POU5F2: variants seen among roughly 807,000 people sequenced by gnomAD.
POU5F2 encodes the protein POU domain, class 5, transcription factor 2.
For missense variants in POU5F2, 401 were observed against 426.6 expected, an observed-to-expected ratio of 0.94 and a Z score of 0.53; for synonymous variants, 191 against 178.7, an observed-to-expected ratio of 1.07 and a Z score of -0.55.
chr5:93,737,556 T>C lies in POU5F2; in HGVS notation c.*3021A>G, dbSNP rs143528104. Reference sequence around the variant, plus strand: ...TATATATATATATGGAAGAACAAAATTGGAAGACTCACACTTCCCCATTTC... The same window carrying C: ...TATATATATATATGGAAGAACAAAACTGGAAGACTCACACTTCCCCATTTC... On this transcript the variant is annotated 3_prime_UTR_variant, in exon 1 of 1. Transcript: ENST00000606183. 51 of 156,778 alleles carry C rather than the reference T, an allele frequency of 3.3e-4. 1 individual carries two copies. The highest frequency in any genetic ancestry group is 1.2e-3 in the African/African-American group (51 of 41,514). 9.7% of individuals were successfully genotyped at this position (156,778 alleles called of 1,614,324 possible).
Position 93,736,471 on chromosome 5 carries a change from T to TA in POU5F2, c.*4105dup, listed in dbSNP as rs1183931020. 1 of 152,220 alleles carries TA rather than the reference T, an allele frequency of 6.6e-6. No homozygotes were observed. The highest frequency in any genetic ancestry group is 1.5e-5 in the Non-Finnish European group (1 of 68,038). The allele number at this position is 152,220 out of a possible 1,614,324, so 9.4% of individuals were successfully genotyped here. On this transcript the variant is annotated 3_prime_UTR_variant, in exon 1 of 1. Coordinates refer to ENST00000606183, the MANE Select transcript of POU5F2 (RefSeq NM_153216.2). ...ATCTGGGCTACTTCATGTTGTGGAC[T>TA]ATGGAAGATCTGGTTTAAAACTTAT...
rs1747710696 is a variant in POU5F2, at chr5:93,738,525, T to C, written c.*2052A>G. The C allele has an allele frequency of 6.6e-6, 1 of 152,230 alleles. No individual in the cohort carries two copies. The highest frequency in any genetic ancestry group is 2.4e-5 in the African/African-American group (1 of 41,450). The allele number at this position is 152,230 out of a possible 1,614,324, so 9.4% of individuals were successfully genotyped here. ...ATGTTCATAGCAGTATCATTCACAATAGCCCATTGGCTATTAATGAAAACA... is the reference window on the plus strand; with the variant it reads ...ATGTTCATAGCAGTATCATTCACAACAGCCCATTGGCTATTAATGAAAACA... On this transcript the variant is annotated 3_prime_UTR_variant, in exon 1 of 1. Coordinates refer to ENST00000606183, the MANE Select transcript of POU5F2 (RefSeq NM_153216.2).
chr5:93,738,073 G>C lies in POU5F2; in HGVS notation c.*2504C>G, dbSNP rs1484925957. ...GAAAATACTTGCAAACCATCTATCT[G>C]ATAAGGGCTTAATATCCAGACTCTA... is the stretch of plus-strand genomic sequence containing the variant. On this transcript the variant is annotated 3_prime_UTR_variant, in exon 1 of 1. Transcript: ENST00000606183. 13 of 306,288 alleles carry C rather than the reference G, an allele frequency of 4.2e-5. No homozygotes were observed. Among genetic ancestry groups the C allele is most frequent in the Non-Finnish European group, 7.6e-5 (12 of 157,334 alleles). 19.0% of individuals were successfully genotyped at this position (306,288 alleles called of 1,614,324 possible).
In POU5F2 at chr5:93,741,482, G is replaced by C; in HGVS notation, c.82C>G (p.Arg28Gly). 6.2e-7 allele frequency: 1 copy of C among 1,613,238 alleles called. No individual in the cohort carries two copies. Residue 28 changes from arginine (R) to glycine (G), a missense_variant, in exon 1 of 1, where the codon CGG (arginine) becomes GGG (glycine). Coordinates refer to ENST00000606183, the MANE Select transcript of POU5F2 (RefSeq NM_153216.2). Reference protein sequence around the residue: ...GGGPRGPMPLRVDTLTWLSTQ... With the variant: ...GGGPRGPMPLGVDTLTWLSTQ... ...CTCAACCAGGTCAGAGTGTCAACCC[G>C]CAGGGGCATCGGCCCTCTGGGGCCG...
rs1748302512 is a variant in POU5F2 at position 93,740,985 on chromosome 5, T to C, written c.579A>G (p.Ala193=). 6.2e-7 allele frequency: 1 copy of C among 1,613,818 alleles called. No individual in the cohort carries two copies. Among genetic ancestry groups the C allele is most frequent in the Admixed American group, 1.7e-5 (1 of 60,008 alleles). ...TTTTGCATAAGCCCAGAAGGTTCTC[T>C]GCTTCCACTTCCTTCAGCCACTTTT... The part of the protein sequence containing the change: ...LLKKWLKEVE[A]ENLLGLCKME... The change falls in exon 1 of 1, where the codon GCA becomes GCG. Residue 193 remains alanine (A), a synonymous_variant. Transcript: ENST00000606183.
In POU5F2 at chr5:93,735,332, A is replaced by C. The variant is rs1746990053; in HGVS notation, c.*5245T>G. On this transcript the variant is annotated 3_prime_UTR_variant, in exon 1 of 1. Coordinates refer to ENST00000606183, the MANE Select transcript of POU5F2 (RefSeq NM_153216.2). Reference sequence around the variant, plus strand: ...AAATCTTTTAAATTATGTGAAGCTGATTAGTGACACATAGAGGCTTTGCCT... The same window carrying C: ...AAATCTTTTAAATTATGTGAAGCTGCTTAGTGACACATAGAGGCTTTGCCT... The C allele has an allele frequency of 6.6e-6, 1 of 152,190 alleles. No individual in the cohort carries two copies. Among genetic ancestry groups the C allele is most frequent in the Non-Finnish European group, 1.5e-5 (1 of 68,052 alleles). 9.4% of individuals were successfully genotyped at this position (152,190 alleles called of 1,614,324 possible).
In POU5F2 at chr5:93,738,507, T is replaced by C. The variant is rs1436203724; in HGVS notation, c.*2070A>G. On this transcript the variant is annotated 3_prime_UTR_variant, in exon 1 of 1. Coordinates refer to ENST00000606183, the MANE Select transcript of POU5F2 (RefSeq NM_153216.2). ...ATAGATTATTATATGTAAATGTTCA[T>C]AGCAGTATCATTCACAATAGCCCAT... The C allele has an allele frequency of 3.3e-5, 5 of 152,258 alleles. No individual in the cohort carries two copies. Among genetic ancestry groups the C allele is most frequent in the Non-Finnish European group, 7.3e-5 (5 of 68,068 alleles). 9.4% of individuals were successfully genotyped at this position (152,258 alleles called of 1,614,324 possible).
In POU5F2 at chr5:93,738,387, TAGTTTCCCAAAA is replaced by T. The variant is rs2149594756; in HGVS notation, c.*2178_*2189del. ...GCCTTCACTATGGAAAACAGTTTGG[TAGTTTCCCAAAA>T]AGTTAAGCATAGAATTACTGTATGA... is the stretch of plus-strand genomic sequence containing the variant. On this transcript the variant is annotated 3_prime_UTR_variant, in exon 1 of 1. Transcript: ENST00000606183. 1 of 152,586 alleles carries T rather than the reference TAGTTTCCCAAAA, an allele frequency of 6.6e-6. No individual in the cohort carries two copies. Among genetic ancestry groups the T allele is most frequent in the East Asian group, 1.9e-4 (1 of 5,198 alleles). The allele number at this position is 152,586 out of a possible 1,614,324, so 9.5% of individuals were successfully genotyped here. A position where few individuals can be genotyped will look rare whatever the true frequency, so the allele number is the denominator to read the frequency against.
In POU5F2 at chr5:93,741,165, C is replaced by A; in HGVS notation, c.399G>T (p.Leu133Phe). ...ACCCTAGGCTCAACCTCTTCTGCCT[C>A]AACTCCTTGGCCAATTGCTGCAACT... is the stretch of plus-strand genomic sequence containing the variant. ...LKELQQLAKE[L>F]RQKRLSLGYS... Residue 133 changes from leucine (L) to phenylalanine (F), a missense_variant, in exon 1 of 1, where the codon TTG becomes TTT. Coordinates refer to ENST00000606183, the MANE Select transcript of POU5F2 (RefSeq NM_153216.2). The A allele has an allele frequency of 6.2e-7, 1 of 1,613,912 alleles. No individual in the cohort carries two copies. Among genetic ancestry groups the A allele is most frequent in the Admixed American group, 1.7e-5 (1 of 60,026 alleles).
In POU5F2 at chr5:93,739,260, A is replaced by C. The variant is rs1253747022; in HGVS notation, c.*1317T>G. On this transcript the variant is annotated 3_prime_UTR_variant, in exon 1 of 1. Transcript: ENST00000606183. ...CACCAGAAAAAAAAAGAAAGAAAGA[A>C]AGAAACTAAGTACTCATCTAAAAAT... 1 of 152,184 alleles carries C rather than the reference A, an allele frequency of 6.6e-6. No homozygotes were observed. 9.4% of individuals were successfully genotyped at this position (152,184 alleles called of 1,614,324 possible). A position where few individuals can be genotyped will look rare whatever the true frequency, so the allele number is the denominator to read the frequency against.
In POU5F2 at chr5:93,733,505, AATT is replaced by A. The variant is rs1309777475; in HGVS notation, c.*7069_*7071del. ...TGAGCCACTGCACCTGGCTACACAC[AATT>A]ATTTTCTTATAAAAATTCTTAAAAG... is the stretch of plus-strand genomic sequence containing the variant. On this transcript the variant is annotated 3_prime_UTR_variant, in exon 1 of 1. Coordinates refer to ENST00000606183, the MANE Select transcript of POU5F2 (RefSeq NM_153216.2). The A allele has an allele frequency of 5.3e-5, 8 of 152,180 alleles. No homozygotes were observed. The East Asian group carries it at 1.4e-3, about 26-fold the overall frequency. 9.4% of individuals were successfully genotyped at this position (152,180 alleles called of 1,614,324 possible). A position where few individuals can be genotyped will look rare whatever the true frequency, so the allele number is the denominator to read the frequency against.
Position 93,734,136 on chromosome 5 carries a change from C to A in POU5F2, c.*6441G>T, listed in dbSNP as rs1746709170. ...GATTTCTTAGAGAATAAGAAAACTTCTAGGAAAAAGAGAAATTGTTCCTTA... is the reference window on the plus strand; with the variant it reads ...GATTTCTTAGAGAATAAGAAAACTTATAGGAAAAAGAGAAATTGTTCCTTA... On this transcript the variant is annotated 3_prime_UTR_variant, in exon 1 of 1. Coordinates refer to ENST00000606183, the MANE Select transcript of POU5F2 (RefSeq NM_153216.2). The A allele has an allele frequency of 1.3e-5, 2 of 152,140 alleles. No homozygotes were observed. Among genetic ancestry groups the A allele is most frequent in the East Asian group, 1.9e-4 (1 of 5,180 alleles). The allele number at this position is 152,140 out of a possible 1,614,324, so 9.4% of individuals were successfully genotyped here.
rs914715458 is a variant in POU5F2 at position 93,737,795 on chromosome 5, T to A, written c.*2782A>T. 3 of 344,096 alleles carry A rather than the reference T, an allele frequency of 8.7e-6. No homozygotes were observed. The highest frequency in any genetic ancestry group is 5.7e-6 in the Non-Finnish European group (1 of 176,158). 21.3% of individuals were successfully genotyped at this position (344,096 alleles called of 1,614,324 possible). A position where few individuals can be genotyped will look rare whatever the true frequency, so the allele number is the denominator to read the frequency against. Reference sequence around the variant, plus strand: ...AACTGGCTATCCACATGCAAAAGAATGAAGTTGGGCACTTACCTCATACCG... The same window carrying A: ...AACTGGCTATCCACATGCAAAAGAAAGAAGTTGGGCACTTACCTCATACCG... On this transcript the variant is annotated 3_prime_UTR_variant, in exon 1 of 1. Transcript: ENST00000606183.
Position 93,738,086 on chromosome 5 carries a change from T to C in POU5F2, c.*2491A>G. The C allele has an allele frequency of 8.0e-6, 2 of 249,932 alleles. No individual in the cohort carries two copies. The highest frequency in any genetic ancestry group is 7.8e-5 in the South Asian group (2 of 25,558). 15.5% of individuals were successfully genotyped at this position (249,932 alleles called of 1,614,324 possible). On this transcript the variant is annotated 3_prime_UTR_variant, in exon 1 of 1. Coordinates refer to ENST00000606183, the MANE Select transcript of POU5F2 (RefSeq NM_153216.2). ...AACCATCTATCTGATAAGGGCTTAA[T>C]ATCCAGACTCTATGAAGAAAAGACA...
In POU5F2 at chr5:93,741,155, T is replaced by G. The variant is rs768126763; in HGVS notation, c.409A>C (p.Arg137=). ...GCCTGCGAGTACCCTAGGCTCAACC[T>G]CTTCTGCCTCAACTCCTTGGCCAAT... ...QQLAKELRQK[R]LSLGYSQADV... Residue 137 remains arginine (R), a synonymous_variant, in exon 1 of 1, where the codon AGG becomes CGG. Transcript: ENST00000606183. 1 of 1,613,802 alleles carries G rather than the reference T, an allele frequency of 6.2e-7. No homozygotes were observed. Among genetic ancestry groups the G allele is most frequent in the South Asian group, 1.1e-5 (1 of 91,080 alleles).
rs1310285756 is a variant in POU5F2 at position 93,733,882 on chromosome 5, A to G, written c.*6695T>C. 9.2e-5 allele frequency: 14 copies of G among 152,240 alleles called. No homozygotes were observed. The highest frequency in any genetic ancestry group is 9.2e-4 in the Admixed American group (14 of 15,290). The allele number at this position is 152,240 out of a possible 1,614,324, so 9.4% of individuals were successfully genotyped here. The stretch of plus-strand genomic sequence containing the variant: ...GCATTCTGAAAAGAATTAATCTTGA[A>G]TAGATTTTGCCAAGAAAACCAATAC... On this transcript the variant is annotated 3_prime_UTR_variant, in exon 1 of 1. Coordinates refer to ENST00000606183, the MANE Select transcript of POU5F2 (RefSeq NM_153216.2).
In POU5F2 at chr5:93,740,143, A is replaced by G. The variant is rs1035211165; in HGVS notation, c.*434T>C. The G allele has an allele frequency of 6.4e-6, 1 of 155,226 alleles. No homozygotes were observed. The highest frequency in any genetic ancestry group is 1.4e-5 in the Non-Finnish European group (1 of 70,194). 9.6% of individuals were successfully genotyped at this position (155,226 alleles called of 1,614,324 possible). A position where few individuals can be genotyped will look rare whatever the true frequency, so the allele number is the denominator to read the frequency against. The stretch of plus-strand genomic sequence containing the variant: ...TCCTGGATTTTGTGTTTGTGTTTAC[A>G]CAGAGTTCTGCTTGATTTTAAGTAA... On this transcript the variant is annotated 3_prime_UTR_variant, in exon 1 of 1. Transcript: ENST00000606183.
In POU5F2 at chr5:93,739,334, TAAG is replaced by T. The variant is rs1422970558; in HGVS notation, c.*1240_*1242del. On this transcript the variant is annotated 3_prime_UTR_variant, in exon 1 of 1. Transcript: ENST00000606183. ...AAACCAGAAGAAACTAGGAAAAAATTAAGAAGAATGAAGTAAAAATTAATTAAC... is the reference window on the plus strand; with the variant it reads ...AAACCAGAAGAAACTAGGAAAAAATTAAGAATGAAGTAAAAATTAATTAAC... 1 of 151,716 alleles carries T rather than the reference TAAG, an allele frequency of 6.6e-6. No individual in the cohort carries two copies. Among genetic ancestry groups the T allele is most frequent in the Non-Finnish European group, 1.5e-5 (1 of 67,920 alleles). The allele number at this position is 151,716 out of a possible 1,614,324, so 9.4% of individuals were successfully genotyped here. A position where few individuals can be genotyped will look rare whatever the true frequency, so the allele number is the denominator to read the frequency against.
Position 93,741,332 on chromosome 5 carries a change from G to T in POU5F2, c.232C>A (p.Pro78Thr), listed in dbSNP as rs755338078. 5 of 1,612,588 alleles carry T rather than the reference G, an allele frequency of 3.1e-6. No individual in the cohort carries two copies. The South Asian group carries it at 5.5e-5, about 18-fold the overall frequency. Residue 78 changes from proline to threonine, a missense_variant, in exon 1 of 1, where the codon CCC becomes ACC. Physicochemically the swap from Pro to Thr is conservative, Grantham distance 38. Transcript: ENST00000606183. The stretch of plus-strand genomic sequence containing the variant: ...CTAGCTCCAAGACGGGGCCTGCAGG[G>T]TGCTATCCAGCCCCGGAATTCGTGT... ...LPHEFRGWIA[P>T]CRPRLGASEA... is the part of the protein sequence containing the mutation.
Sources: gnomAD v4.1 joint callset for allele counts on GRCh38, gnomAD v4.1.1 for gene constraint, MANE v1.5 for transcripts, NCBI Gene and HGNC (gene_info 2026-07-23, HGNC 2026-07-21) for gene names.